Variants in PSMB5 observed in about 807,000 individuals in gnomAD.
PSMB5 encodes the protein proteasome subunit beta type-5.
In PSMB5, 2 loss-of-function variants were observed where a neutral mutation model predicts 22.8. The observed-to-expected ratio is 0.09, with a 90% confidence interval of 0.04 to 0.28. The LOEUF (loss-of-function observed/expected upper bound fraction) is 0.28. PSMB5 is among the 10% of genes least tolerant of loss of function. The pLI is 1.00. For synonymous variants in PSMB5, 133 were observed against 135.3 expected (o/e 0.98, Z 0.12); for missense variants, 269 against 343.8 (o/e 0.78, Z 1.72).
Position 23,033,656 on chromosome 14 carries a change from C to T in PSMB5, c.217G>A (p.Val73Ile), listed in dbSNP as rs1323647027. 6.2e-7 allele frequency: 1 copy of T among 1,608,698 alleles called. No individual in the cohort carries two copies. Among genetic ancestry groups the T allele is most frequent in the South Asian group, 1.1e-5 (1 of 91,026 alleles). The change falls in exon 2 of 3, where the codon GTT becomes ATT. Residue 73 changes from valine to isoleucine, a missense_variant. By Grantham distance (29) the Val-to-Ile change is conservative. Around this residue, in one of 3 missense-constraint regions of PSMB5, gnomAD observed 75 missense variants for 143.2 expected, o/e 0.52. Coordinates refer to ENST00000361611, the MANE Select transcript of PSMB5 (RefSeq NM_002797.5). ...LAFKFRHGVI[V>I]AADSRATAGA... ...GCTGTAGCCCTGGAGTCAGCTGCAA[C>T]TATGACTCCATGGCGGAACTGTTAA...
Position 23,026,392 on chromosome 14 carries a change from G to A in PSMB5, c.506-17C>T, listed in dbSNP as rs2139910721. On this transcript the variant is annotated splice_polypyrimidine_tract_variant and intron_variant, in intron 2 of 2. Coordinates refer to ENST00000361611, the MANE Select transcript of PSMB5 (RefSeq NM_002797.5). Reference sequence around the variant, plus strand: ...AGTAGAGGCCTGGAAAGGGAGATGAGGTTAGCAGGAAAAAAAAAAAGATCA... The same window carrying A: ...AGTAGAGGCCTGGAAAGGGAGATGAAGTTAGCAGGAAAAAAAAAAAGATCA... 1 of 1,589,714 alleles carries A rather than the reference G, an allele frequency of 6.3e-7. No individual in the cohort carries two copies. The highest frequency in any genetic ancestry group is 8.5e-7 in the Non-Finnish European group (1 of 1,170,132).
At chr14:23,034,934 C>A, upstream of PSMB5, 1 of 1,567,186 alleles carries the variant, frequency 6.4e-7, no homozygotes, top group Non-Finnish European at 8.7e-7. Context: ...AAAGATAGGC[C>A]GGGCAACGCC....
rs2139909661 is a variant in PSMB5, at chr14:23,026,202, C to A, written c.679G>T (p.Ala227Ser). ...AGGTTGACTGCACCTCCTGAGTAGG[C>A]ATCTCTGTAGGTGGCTTGGTAGATG... ...RAIYQATYRD[A>S]YSGGAVNLYH... The change falls in exon 3 of 3, where the codon GCC (alanine) becomes TCC (serine). Residue 227 changes from alanine to serine, a missense_variant. By Grantham distance (99) the Ala-to-Ser change is moderately conservative. Transcript: ENST00000361611. 1 of 1,614,118 alleles carries A rather than the reference C, an allele frequency of 6.2e-7. No homozygotes were observed. The highest frequency in any genetic ancestry group is 8.5e-7 in the Non-Finnish European group (1 of 1,180,024).
chr14:23,026,402 A>C (rs552742758), intron 2 of PSMB5, 27 bp from the exon 3 acceptor site: 37 of 864,004 alleles, frequency 4.3e-5, no homozygotes, highest in Non-Finnish European at 5.7e-5. Context: ...GGTTAGCAGG[A>C]AAAAAAAAAA....
chr14:23,026,970 T>C (rs951632632), intron 2 of PSMB5, among the ~76,000 whole-genome samples: 5 of 151,446 alleles, frequency 3.3e-5, no homozygotes, highest in African/African-American at 1.2e-4. Context: ...TAATCCCAGC[T>C]ACTCAGGAGG....
chr14:23,034,799 A>G lies in PSMB5; in HGVS notation c.83T>C (p.Leu28Pro). Residue 28 changes from leucine (L) to proline (P), a missense_variant, in exon 1 of 3, where the codon CTG becomes CCG. By Grantham distance (98) the Leu-to-Pro change is moderately conservative. This residue lies in a region of PSMB5 where 81 missense variants were observed against 70.4 expected (regional missense o/e 1.15). Coordinates refer to ENST00000361611, the MANE Select transcript of PSMB5 (RefSeq NM_002797.5). ...ACTGAGACTCCCTGGACCTAGATCC[A>G]GCAGATCTGCACGACCCCCAAGTCC... ...FFGLGGRADL[L>P]DLGPGSLSDG... is the part of the protein sequence containing the mutation. 1.2e-6 allele frequency: 2 copies of G among 1,614,236 alleles called. No individual in the cohort carries two copies. Among genetic ancestry groups the G allele is most frequent in the Non-Finnish European group, 1.7e-6 (2 of 1,180,038 alleles).
intron 1 of PSMB5, among the ~76,000 whole-genome samples, 165 bp from the exon 2 acceptor site, chr14:23,033,839 T>TCA (rs931523462): frequency 2.6e-5 from 4 of 152,202 alleles, no homozygotes; most frequent in African/African-American, 9.7e-5. Flanking sequence ...CACCCGAGCT[T>TCA]CACATCAATC....
At chr14:23,034,532 A>G in intron 1 of PSMB5, 152 bp downstream of exon 1, 1 of 880,610 alleles carries the variant, frequency 1.1e-6, no homozygotes. Flanking sequence ...CTCCTGGGCC[A>G]ATGAGACAGC....
intron 2 of PSMB5, among the ~76,000 whole-genome samples, chr14:23,028,116 C>G (rs1363373258): frequency 2.0e-5 from 3 of 151,766 alleles, no homozygotes; most frequent in Non-Finnish European, 4.4e-5. Flanking sequence ...GCACTCCAGC[C>G]TGGGCAACAA....
At chr14:23,030,871 A>G (rs926893374) in intron 2 of PSMB5, among the ~76,000 whole-genome samples, 1 of 152,122 alleles carries the variant, frequency 6.6e-6, no homozygotes, top group Non-Finnish European at 1.5e-5. Context: ...GTTGCAATGA[A>G]CTGAGATCGC....
chr14:23,031,745 C>T (rs563888652), intron 2 of PSMB5, among the ~76,000 whole-genome samples: 4 of 152,038 alleles, frequency 2.6e-5, no homozygotes, highest in South Asian at 2.1e-4. Context: ...ATGATAGAAC[C>T]GGACCTAGCA....
Position 23,034,756 on chromosome 14 carries a change from G to A in PSMB5, c.126C>T (p.Ala42=), listed in dbSNP as rs1248207652. The change falls in exon 1 of 3, where the codon GCC becomes GCT. Residue 42 remains alanine (A), a synonymous_variant. Transcript: ENST00000361611. Reference sequence around the variant, plus strand: ...CTTCTGGGACACCCCAGCCTGGCGCGGCCAGGCTCAGACCATCACTGAGAC... The same window carrying A: ...CTTCTGGGACACCCCAGCCTGGCGCAGCCAGGCTCAGACCATCACTGAGAC... ...PGSLSDGLSL[A]APGWGVPEEP... is the part of the protein sequence containing the mutation. The A allele has an allele frequency of 3.1e-6, 5 of 1,614,110 alleles. No individual in the cohort carries two copies. The highest frequency in any genetic ancestry group is 3.4e-6 in the Non-Finnish European group (4 of 1,179,998).
In PSMB5 at chr14:23,027,380, CA is replaced by C. The variant is rs768416022; in HGVS notation, c.506-1006del. ...TGGGAGACAGAGCAAGACTTTGTCT[CA>C]AAAAAAAAAAAAATAATAATAATAA... On this transcript the variant is annotated intron_variant, in intron 2 of 2. Coordinates refer to ENST00000361611, the MANE Select transcript of PSMB5 (RefSeq NM_002797.5). Among the ~76,000 whole-genome samples the C allele has an allele frequency of 7.8e-3, 886 of 113,850 alleles. 7 individuals are homozygous for C. The highest frequency in any genetic ancestry group is 0.026 in the African/African-American group (801 of 30,724). 74.7% of individuals were successfully genotyped at this position (113,850 alleles called of 152,430 possible). A position where few individuals can be genotyped will look rare whatever the true frequency, so the allele number is the denominator to read the frequency against.
At chr14:23,029,274 GA>G (rs1436369368) in intron 2 of PSMB5, among the ~76,000 whole-genome samples, 1 of 151,890 alleles carries the variant, frequency 6.6e-6, no homozygotes, top group African/African-American at 2.4e-5. Flanking sequence ...CTCTTGCCTA[GA>G]GGGGGGTCAT....
intron 2 of PSMB5, among the ~76,000 whole-genome samples, chr14:23,030,801 C>G (rs556445721): frequency 1.3e-4 from 20 of 152,244 alleles, no homozygotes; most frequent in African/African-American, 4.6e-4. Context: ...TGGCGGGTGT[C>G]TGTAATCCCA....
chr14:23,027,886 G>T, intron 2 of PSMB5: 1 of 1,366,086 alleles, frequency 7.3e-7, no homozygotes, highest in South Asian at 1.2e-5. Context: ...GCTCAAACCC[G>T]TAATCCCAGC....
At chr14:23,030,215 A>G (rs2046942976) in intron 2 of PSMB5, among the ~76,000 whole-genome samples, 1 of 149,386 alleles carries the variant, frequency 6.7e-6, no homozygotes, top group Non-Finnish European at 1.5e-5. Context: ...TCAGGCCAGG[A>G]GCTGTGGCTC....
chr14:23,032,967 C>T (rs1171655634), intron 2 of PSMB5, among the ~76,000 whole-genome samples: 1 of 148,234 alleles, frequency 6.7e-6, no homozygotes, highest in African/African-American at 2.5e-5. Flanking sequence ...AGTGCAGTGG[C>T]GCGATCTCTG....
rs1166762484 is a variant in PSMB5 at position 23,033,609 on chromosome 14, C to T, written c.264G>A (p.Gln88=). Reference sequence around the variant, plus strand: ...TGATCTCTATCACCTTCTTCACCGTCTGGGAGGCAATGTAAGCACCCGCTG... The same window carrying T: ...TGATCTCTATCACCTTCTTCACCGTTTGGGAGGCAATGTAAGCACCCGCTG... ...RATAGAYIAS[Q]TVKKVIEINP... Residue 88 remains glutamine, a synonymous_variant, in exon 2 of 3, where the codon CAG becomes CAA. Transcript: ENST00000361611. 1.2e-6 allele frequency: 2 copies of T among 1,613,924 alleles called. No individual in the cohort carries two copies. Among genetic ancestry groups the T allele is most frequent in the Non-Finnish European group, 8.5e-7 (1 of 1,179,818 alleles).
Sources: allele counts gnomAD v4.1 joint callset (sites outside exome capture counted in the v4.1 genomes callset), GRCh38; gene constraint gnomAD v4.1.1; regional missense constraint gnomAD v4.1.1; transcripts MANE v1.5; gene names NCBI Gene and HGNC (gene_info 2026-07-23, HGNC 2026-07-21).